ZNF430: variants seen among roughly 807,000 people sequenced by gnomAD.
ZNF430 encodes the protein zinc finger protein 430.
ZNF430 carries 35 observed loss-of-function variants against 56.7 expected under a neutral mutation model. The observed-to-expected ratio is 0.62, with a 90% CI of 0.47 to 0.82. ZNF430 has a LOEUF of 0.82. Ranked by LOEUF, ZNF430 falls within the 40% of genes least tolerant of loss-of-function variation. The pLI is 0.00. For synonymous variants in ZNF430, 212 were observed against 224.3 expected (o/e 0.94, Z 0.49); for missense variants, 574 against 661.0 (o/e 0.87, Z 1.44).
chr19:21,040,857 A>G (rs1233316651), intron 4 of ZNF430, among the ~76,000 whole-genome samples: 3 of 152,260 alleles, frequency 2.0e-5, no homozygotes, highest in Non-Finnish European at 2.9e-5. Flanking sequence ...ACATAAATAG[A>G]TAGATATGAT....
Position 21,056,925 on chromosome 19 carries a change from A to G in ZNF430, c.617A>G (p.Lys206Arg). ...KIRHTGKKPF[K>R]CKKCDKSFCM... ...AGACATACTGGAAAGAAGCCTTTCA[A>G]ATGTAAAAAATGTGACAAATCGTTT... Residue 206 changes from lysine (K) to arginine (R), a missense_variant, in exon 5 of 5, where the codon AAA becomes AGA. By Grantham distance (26) the Lys-to-Arg change is conservative. This residue lies in a region of ZNF430 where 346 missense variants were observed against 399.1 expected (regional missense o/e 0.87). Transcript: ENST00000261560. 1 of 1,613,128 alleles carries G rather than the reference A, an allele frequency of 6.2e-7. No homozygotes were observed. The highest frequency in any genetic ancestry group is 1.1e-5 in the South Asian group (1 of 90,814).
rs112657204 is a variant in ZNF430, at chr19:21,057,583, A to G, written c.1275A>G (p.Gly425=). The G allele has an allele frequency of 6.2e-7, 1 of 1,613,408 alleles. No homozygotes were observed. Among genetic ancestry groups the G allele is most frequent in the Non-Finnish European group, 8.5e-7 (1 of 1,179,962 alleles). ...CTAAACATAAAAGAATTCATACTGGAGAGAAACCCTACAAATGTGAACAAT... is the reference window on the plus strand; with the variant it reads ...CTAAACATAAAAGAATTCATACTGGGGAGAAACCCTACAAATGTGAACAAT... ...TLTKHKRIHT[G]EKPYKCEQCG... The change falls in exon 5 of 5, where the codon GGA becomes GGG. Residue 425 remains glycine, a synonymous_variant. Transcript: ENST00000261560.
intron 4 of ZNF430, among the ~76,000 whole-genome samples, chr19:21,053,838 G>A (rs1056939596): frequency 1.3e-5 from 2 of 151,898 alleles, no homozygotes; most frequent in African/African-American, 4.8e-5. Flanking sequence ...TTGTATCTTT[G>A]TCTCTCATTT....
intron 4 of ZNF430, among the ~76,000 whole-genome samples, chr19:21,048,720 G>A (rs370276710): frequency 6.6e-6 from 1 of 151,826 alleles, no homozygotes; most frequent in Non-Finnish European, 1.5e-5. Context: ...ACGGGGTGGC[G>A]GCTGGGCAGA....
chr19:21,052,535 A>G (rs1968300575), intron 4 of ZNF430, among the ~76,000 whole-genome samples: 1 of 152,102 alleles, frequency 6.6e-6, no homozygotes, highest in Non-Finnish European at 1.5e-5. Context: ...ATATATACAT[A>G]GGTTCCCAGT....
chr19:21,026,352 C>T (rs951927476), intron 2 of ZNF430, among the ~76,000 whole-genome samples: 1 of 152,016 alleles, frequency 6.6e-6, no homozygotes. Flanking sequence ...CCACGCCTGG[C>T]CAGTTTTTGT....
chr19:21,057,402 T>C lies in ZNF430; in HGVS notation c.1094T>C (p.Ile365Thr). 6.2e-7 allele frequency: 1 copy of C among 1,612,836 alleles called. No individual in the cohort carries two copies. The highest frequency in any genetic ancestry group is 8.5e-7 in the Non-Finnish European group (1 of 1,179,828). The change falls in exon 5 of 5, where the codon ATA (isoleucine) becomes ACA (threonine). Residue 365 changes from isoleucine (I) to threonine (T), a missense_variant. By Grantham distance (89) the Ile-to-Thr change is moderately conservative (BLOSUM62 -1). This residue lies in a region of ZNF430 where 15 missense variants were observed against 40.9 expected (regional missense o/e 0.37). Coordinates refer to ENST00000261560, the MANE Select transcript of ZNF430 (RefSeq NM_025189.4). ...TCCTCAACCCTTACTACACATAAGA[T>C]AATTCATGCTGGAGAGAAACCTTAC... ...NQSSTLTTHK[I>T]IHAGEKPYKC...
intron 4 of ZNF430, chr19:21,053,442 G>A (rs1968317353): frequency 6.6e-6 from 1 of 152,094 alleles, no homozygotes; most frequent in Admixed American, 6.6e-5. Context: ...CGCCCAGGCT[G>A]GAGTGCAATG....
At chr19:21,036,630 C>T (rs1968004397) in intron 4 of ZNF430, 1 of 151,916 alleles carries the variant, frequency 6.6e-6, no homozygotes, top group South Asian at 2.1e-4. Context: ...TGGAGAGTCC[C>T]TCTCTACAAA....
intron 4 of ZNF430, among the ~76,000 whole-genome samples, chr19:21,047,114 T>C (rs1432426975): frequency 6.6e-6 from 1 of 152,232 alleles, no homozygotes; most frequent in African/African-American, 2.4e-5. Context: ...CTTTCCTTGC[T>C]TCGTCTACTC....
chr19:21,053,307 C>T (rs1568592564), intron 4 of ZNF430: 1 of 152,046 alleles, frequency 6.6e-6, no homozygotes, highest in Non-Finnish European at 1.5e-5. Flanking sequence ...GTCTTTATTT[C>T]CATGTAACCT....
In ZNF430 at chr19:21,023,532, G is replaced by A. The variant is rs1211377335; in HGVS notation, c.96+651G>A. 6.6e-5 allele frequency among the ~76,000 whole-genome samples: 10 copies of A among 152,290 alleles called. No individual in the cohort carries two copies. The East Asian group carries it at 1.9e-3, about 29-fold the overall frequency. The stretch of plus-strand genomic sequence containing the variant: ...CCTTTTTACCCCCAGGGTGAGTTTA[G>A]GAATTTTCTCAGGTGTGTTTTTTAT... On this transcript the variant is annotated intron_variant, in intron 2 of 4. Coordinates refer to ENST00000261560, the MANE Select transcript of ZNF430 (RefSeq NM_025189.4).
At chr19:21,033,427 C>T (rs760077125) in intron 2 of ZNF430, 29 bp from the exon 3 acceptor site, 17 of 1,595,538 alleles carry the variant, frequency 1.1e-5, no homozygotes, top group Middle Eastern at 1.7e-4. Flanking sequence ...GGTAAATATA[C>T]GTGTGTCTTG....
At chr19:21,022,660 C>T (rs145698414) in intron 1 of ZNF430, 129 bp from the exon 2 acceptor site, 7 of 723,950 alleles carry the variant, frequency 9.7e-6, no homozygotes, top group Middle Eastern at 3.1e-4. Context: ...GTTGTGTCCT[C>T]AGTCACCCTT....
chr19:21,051,669 T>C (rs1405431963), intron 4 of ZNF430, among the ~76,000 whole-genome samples: 1 of 152,152 alleles, frequency 6.6e-6, no homozygotes, highest in African/African-American at 2.4e-5. Flanking sequence ...AATTTGTTTA[T>C]TTTTAGTAGA....
intron 4 of ZNF430, among the ~76,000 whole-genome samples, chr19:21,053,885 ATATACT>A (rs1383966889): frequency 2.0e-5 from 3 of 151,510 alleles, no homozygotes; most frequent in African/African-American, 7.3e-5. Context: ...TTTTATGTTG[ATATACT>A]TTTACTTCTT....
rs200547179 is a variant in ZNF430, at chr19:21,057,921, A to G, written c.1613A>G (p.Glu538Gly). Residue 538 changes from glutamate to glycine, a missense_variant, in exon 5 of 5, where the codon GAG (glutamate) becomes GGG (glycine). By Grantham distance (98) the Glu-to-Gly change is moderately conservative. This residue lies in a region of ZNF430 where 213 missense variants were observed against 221.0 expected (regional missense o/e 0.96). Transcript: ENST00000261560. ...AAACATAAGGTAATTCATACTGGAGAGAAACCCTACAACTGTGAAGAATAC... is the reference window on the plus strand; with the variant it reads ...AAACATAAGGTAATTCATACTGGAGGGAAACCCTACAACTGTGAAGAATAC... ...LTKHKVIHTG[E>G]KPYNCEEYGK... 31 of 1,613,664 alleles carry G rather than the reference A, an allele frequency of 1.9e-5. No individual in the cohort carries two copies. Among genetic ancestry groups the G allele is most frequent in the East Asian group, 4.5e-5 (2 of 44,878 alleles).
intron 4 of ZNF430, among the ~76,000 whole-genome samples, chr19:21,038,343 A>T (rs544287713): frequency 6.6e-6 from 1 of 151,978 alleles, no homozygotes; most frequent in South Asian, 2.1e-4. Context: ...AAAAGGTTTC[A>T]TTTCTGGGCT....
chr19:21,030,968 C>T (rs903129088), intron 2 of ZNF430, among the ~76,000 whole-genome samples: 5 of 152,060 alleles, frequency 3.3e-5, no homozygotes, highest in African/African-American at 4.8e-5. Context: ...GTGAAACCTC[C>T]GCCTCCTGGG....
Sources: gnomAD v4.1 joint callset for allele counts (sites outside exome capture counted in the v4.1 genomes callset) on GRCh38, gnomAD v4.1.1 for gene constraint, gnomAD v4.1.1 regional missense constraint, MANE v1.5 for transcripts, NCBI Gene and HGNC (gene_info 2026-07-23, HGNC 2026-07-21) for gene names.